EIF3H: variants seen among roughly 807,000 people sequenced by gnomAD.
EIF3H encodes eukaryotic translation initiation factor 3 subunit H, also known as eIF-3-gamma.
In EIF3H, 26 loss-of-function variants were observed where a neutral mutation model predicts 44.2. The ratio of observed to expected loss-of-function variants is 0.59; its 90% CI spans 0.43 to 0.82. The LOEUF (loss-of-function observed/expected upper bound fraction) is 0.82. EIF3H is among the 40% of genes least tolerant of loss of function. EIF3H has a pLI of 0.00. For missense variants in EIF3H, 359 were observed against 432.8 expected (o/e 0.83, Z 1.51); for synonymous variants, 166 against 151.9 (o/e 1.09, Z -0.68).
chr8:116,645,245 A>G, intron 7 of EIF3H, 142 bp from the exon 8 acceptor site: 3 of 651,036 alleles, frequency 4.6e-6, no homozygotes, highest in Non-Finnish European at 8.0e-6. Context: ...TCCATAAGGG[A>G]TAAGAAATAC....
At chr8:116,750,539 A>G (rs1003140747) in intron 1 of EIF3H, among the ~76,000 whole-genome samples, 14 of 151,164 alleles carry the variant, frequency 9.3e-5, no homozygotes, top group Non-Finnish European at 1.6e-4. Flanking sequence ...CCTCCTGAGT[A>G]GCTGGGACTA....
Position 116,732,654 on chromosome 8 carries a change from C to CTCAT in EIF3H, c.133-6486_133-6483dup, listed in dbSNP as rs67330220. Among the ~76,000 whole-genome samples the CTCAT allele has an allele frequency of 2.6e-4, 39 of 151,422 alleles. No individual in the cohort carries two copies. The South Asian group carries it at 6.9e-3, about 27-fold the overall frequency. On this transcript the variant is annotated intron_variant, in intron 1 of 7. Transcript: ENST00000521861. ...CTGTTATTTTGACTTCTTTCATTCC[C>CTCAT]TCATTCATTCATTCATTCATTCATT...
At chr8:116,703,888 A>G (rs1409987640) in intron 2 of EIF3H, among the ~76,000 whole-genome samples, 3 of 152,166 alleles carry the variant, frequency 2.0e-5, no homozygotes, top group Non-Finnish European at 2.9e-5. Context: ...CACGAAGAGA[A>G]AAACCCACAG....
At chr8:116,739,627 G>A (rs1016219601) in intron 1 of EIF3H, among the ~76,000 whole-genome samples, 10 of 152,208 alleles carry the variant, frequency 6.6e-5, no homozygotes, top group African/African-American at 2.4e-4. Flanking sequence ...TCCAGCCTGG[G>A]CAACAGAGCG....
intron 7 of EIF3H, 134 bp downstream of exon 7, chr8:116,646,337 A>C: frequency 7.5e-7 from 1 of 1,328,182 alleles, no homozygotes; most frequent in East Asian, 2.3e-5. Context: ...CAGGTGCTAG[A>C]TTCAAATTCA....
chr8:116,675,479 A>T (rs1813834214), intron 2 of EIF3H, among the ~76,000 whole-genome samples: 1 of 152,198 alleles, frequency 6.6e-6, no homozygotes. Context: ...TATGCCAGTA[A>T]TGAGCGCACA....
At chr8:116,683,786 GCTAAAGGTCACATTAATA>G (rs1179820370) in intron 2 of EIF3H, among the ~76,000 whole-genome samples, 1 of 152,198 alleles carries the variant, frequency 6.6e-6, no homozygotes, top group African/African-American at 2.4e-5. Context: ...TTTTATAAAT[GCTAAAGGTCACATTAATA>G]CTTGGTGATT....
At chr8:116,759,897 A>C (rs1000449125), upstream of EIF3H, among the ~76,000 whole-genome samples, 1 of 151,978 alleles carries the variant, frequency 6.6e-6, no homozygotes, top group African/African-American at 2.4e-5. Context: ...CACTTGAATA[A>C]TTTTTGTACT....
chr8:116,647,740 C>CGTAAAGATTT (rs1813328309), intron 6 of EIF3H, among the ~76,000 whole-genome samples: 1 of 152,094 alleles, frequency 6.6e-6, no homozygotes, highest in Admixed American at 6.5e-5. Context: ...AGTGAAGGAA[C>CGTAAAGATTT]GTAACTTGCT....
At chr8:116,681,713 G>A (rs995812818) in intron 2 of EIF3H, among the ~76,000 whole-genome samples, 3 of 149,838 alleles carry the variant, frequency 2.0e-5, no homozygotes, top group Non-Finnish European at 3.0e-5. Flanking sequence ...TGTTTTAAAC[G>A]TTTAGAAAGA....
intron 1 of EIF3H, among the ~76,000 whole-genome samples, chr8:116,750,876 A>G (rs1420276426): frequency 6.6e-6 from 1 of 152,184 alleles, no homozygotes; most frequent in Non-Finnish European, 1.5e-5. Context: ...ACATCTAAGG[A>G]AAGAAGTTAA....
intron 6 of EIF3H, among the ~76,000 whole-genome samples, chr8:116,648,162 A>G (rs1213366979): frequency 6.6e-6 from 1 of 152,228 alleles, no homozygotes; most frequent in African/African-American, 2.4e-5. Context: ...ACAGATAAAC[A>G]TTCTGGAATC....
intron 1 of EIF3H, among the ~76,000 whole-genome samples, chr8:116,732,218 C>T (rs1814961795): frequency 1.3e-5 from 2 of 151,326 alleles, no homozygotes; most frequent in African/African-American, 2.4e-5. Flanking sequence ...AAGTGTCTGG[C>T]TTTAAAAAAA....
At chr8:116,709,210 A>T (rs549198748) in intron 2 of EIF3H, among the ~76,000 whole-genome samples, 9 of 152,224 alleles carry the variant, frequency 5.9e-5, no homozygotes, top group Admixed American at 3.3e-4. Flanking sequence ...GTGTCAACAA[A>T]AACTTTCTGT....
At position 116,755,743 on chromosome 8, in the gene EIF3H, C is replaced by G. The variant is rs937997351; in HGVS notation, c.55G>C (p.Ala19Pro). 5.6e-6 allele frequency: 9 copies of G among 1,614,004 alleles called. No homozygotes were observed. The highest frequency in any genetic ancestry group is 1.6e-4 in the Middle Eastern group (1 of 6,084). The change falls in exon 1 of 8, where the codon GCC becomes CCC. Residue 19 changes from alanine (A) to proline (P), a missense_variant. By Grantham distance (27) the Ala-to-Pro change is conservative (BLOSUM62 -1). Coordinates refer to ENST00000521861, the MANE Select transcript of EIF3H (RefSeq NM_003756.3). ...CCTTTGCCTTTCCCTGCTGCGCCGG[C>G]GGTGGAGCTGGAAGAGGTGGCAGTA... ...GSTATSSSST[A>P]GAAGKGKGKG... is the part of the protein sequence containing the mutation.
rs1481405247 is a variant in EIF3H at position 116,763,943 on chromosome 8, T to C, written c.-27+1572A>G. Among the ~76,000 whole-genome samples, 4 of 152,212 alleles carry C rather than the reference T, an allele frequency of 2.6e-5. No individual in the cohort carries two copies. The East Asian group carries it at 5.8e-4, about 22-fold the overall frequency. On this transcript the variant is annotated intron_variant, in intron 1 of 9. Coordinates refer to the EIF3H transcript ENST00000276682. ...TGAGAAAGTCCTATTTGGGAATTAGTCATACGTTTCAAAAATAAATTATTC... is the reference window on the plus strand; with the variant it reads ...TGAGAAAGTCCTATTTGGGAATTAGCCATACGTTTCAAAAATAAATTATTC...
intron 2 of EIF3H, among the ~76,000 whole-genome samples, chr8:116,725,362 T>C (rs1461591312): frequency 3.3e-5 from 5 of 152,212 alleles, no homozygotes; most frequent in African/African-American, 1.2e-4. Context: ...ACAATATGCA[T>C]ACACTTAACA....
At chr8:116,682,657 A>G (rs1258083879) in intron 2 of EIF3H, among the ~76,000 whole-genome samples, 3 of 152,242 alleles carry the variant, frequency 2.0e-5, no homozygotes, top group African/African-American at 7.2e-5. Flanking sequence ...TGTACCTATT[A>G]AATTTACCTT....
chr8:116,677,153 G>A (rs753108533), intron 2 of EIF3H, among the ~76,000 whole-genome samples: 3 of 152,150 alleles, frequency 2.0e-5, no homozygotes, highest in African/African-American at 7.2e-5. Flanking sequence ...ATATTTAGAA[G>A]GGGTGAACTG....
Sources: gnomAD v4.1 joint callset for allele counts (sites outside exome capture counted in the v4.1 genomes callset) on GRCh38, gnomAD v4.1.1 for gene constraint, MANE v1.5 for transcripts, NCBI Gene and HGNC (gene_info 2026-07-23, HGNC 2026-07-21) for gene names.